The following CUBN variants were observed in gnomAD, a reference collection of about 807,000 sequenced individuals.
The protein encoded by CUBN is 460 kDa receptor.
Under a neutral mutation model 405.3 loss-of-function variants are expected in CUBN, and 282 were observed. The observed-to-expected ratio is 0.70, with a 90% CI of 0.63 to 0.77. CUBN has a LOEUF of 0.77. Among genes scored for constraint, CUBN ranks in the 30% least tolerant of loss-of-function variants. The pLI is 0.00. For missense variants in CUBN, 4,514 were observed against 4,475.2 expected, an observed-to-expected ratio of 1.01 and a Z score of -0.25; for synonymous variants, 1,684 against 1,617.0, an observed-to-expected ratio of 1.04 and a Z score of -0.99.
chr10:17,036,744 A>C (rs1834910399), intron 27 of CUBN, among the ~76,000 whole-genome samples: 1 of 152,244 alleles, frequency 6.6e-6, no homozygotes, highest in South Asian at 2.1e-4. Context: ...TGAAGCAAAG[A>C]AAGAGGTGAT....
intron 64 of CUBN, among the ~76,000 whole-genome samples, chr10:16,834,389 T>A (rs1404409879): frequency 6.6e-6 from 1 of 150,414 alleles, no homozygotes; most frequent in African/African-American, 2.4e-5. Context: ...CAGTGTGTCC[T>A]GGGGTGGGAG....
At chr10:16,907,728 A>G (rs765234814) in intron 48 of CUBN, 49 bp from the exon 49 acceptor site, 1 of 1,591,730 alleles carries the variant, frequency 6.3e-7, no homozygotes, top group African/African-American at 1.3e-5. Context: ...ATCTTACTGC[A>G]TATTTCCTAG....
In CUBN at chr10:16,925,354, C is replaced by A. The variant is rs1298208991; in HGVS notation, c.6533G>T (p.Ser2178Ile). 8.7e-6 allele frequency: 14 copies of A among 1,613,776 alleles called. No individual in the cohort carries two copies. The Admixed American group carries it at 1.0e-4, about 12-fold the overall frequency. The change falls in exon 43 of 67, where the codon AGT (serine) becomes ATT (isoleucine). Residue 2178 changes from serine (S) to isoleucine (I), a missense_variant. Around this residue, in one of 5 missense-constraint regions of CUBN, gnomAD observed 1,613 missense variants for 1,542.8 expected, o/e 1.05. Coordinates refer to ENST00000377833, the MANE Select transcript of CUBN (RefSeq NM_001081.4). Reference sequence around the variant, plus strand: ...GGTGAACAGAGTTGATGAAGCATGACTGCCACAAAAATGACCATTTCCTCC... The same window carrying A: ...GGTGAACAGAGTTGATGAAGCATGAATGCCACAAAAATGACCATTTCCTCC... ...PPGGNGHFCG[S>I]HASSTLFTSD...
At chr10:16,905,496 G>A (rs938920348) in intron 50 of CUBN, among the ~76,000 whole-genome samples, 1 of 152,106 alleles carries the variant, frequency 6.6e-6, no homozygotes, top group Non-Finnish European at 1.5e-5. Context: ...AAGGCCTCAG[G>A]AGAATTTCAC....
At chr10:17,056,096 G>C (rs191930601) in intron 22 of CUBN, among the ~76,000 whole-genome samples, 1 of 151,894 alleles carries the variant, frequency 6.6e-6, no homozygotes, top group African/African-American at 2.4e-5. Flanking sequence ...ATGAAATAGA[G>C]ATTCCAGAAG....
chr10:16,948,947 T>C (rs1444144846), intron 34 of CUBN, among the ~76,000 whole-genome samples: 1 of 152,200 alleles, frequency 6.6e-6, no homozygotes, highest in Non-Finnish European at 1.5e-5. Flanking sequence ...TCCACTATTT[T>C]GTAGCACAGA....
intron 31 of CUBN, among the ~76,000 whole-genome samples, chr10:16,968,527 TCA>T (rs1843464068): frequency 6.6e-6 from 1 of 152,178 alleles, no homozygotes; most frequent in South Asian, 2.1e-4. Flanking sequence ...TTGCTGATTC[TCA>T]CAAAGCAGAC....
chr10:16,848,375 T>C (rs1053321134), intron 60 of CUBN, among the ~76,000 whole-genome samples: 2 of 152,226 alleles, frequency 1.3e-5, no homozygotes, highest in African/African-American at 4.8e-5. Flanking sequence ...TATTTGGAAT[T>C]ACTCCAACGG....
chr10:16,965,785 G>C, intron 31 of CUBN: 1 of 267,796 alleles, frequency 3.7e-6, no homozygotes, highest in East Asian at 1.2e-4. Context: ...AGGAATAGCA[G>C]CAAATACTTA....
chr10:16,986,925 C>G (rs1382822018), intron 29 of CUBN, among the ~76,000 whole-genome samples: 1 of 152,178 alleles, frequency 6.6e-6, no homozygotes, highest in Non-Finnish European at 1.5e-5. Context: ...TCAAACATCC[C>G]CTTGAGATCA....
intron 56 of CUBN, among the ~76,000 whole-genome samples, chr10:16,884,595 A>C (rs1490732618): frequency 6.6e-6 from 1 of 152,192 alleles, no homozygotes; most frequent in Admixed American, 6.5e-5. Context: ...AAGTTAGAGA[A>C]ATTTAGACCA....
intron 14 of CUBN, among the ~76,000 whole-genome samples, chr10:17,094,662 G>A (rs1836334542): frequency 6.6e-6 from 1 of 152,000 alleles, no homozygotes; most frequent in Admixed American, 6.6e-5. Context: ...TTACAATAGT[G>A]TCAAAAAGTT....
intron 59 of CUBN, among the ~76,000 whole-genome samples, chr10:16,858,045 A>G (rs1174669838): frequency 6.6e-6 from 1 of 152,296 alleles, no homozygotes; most frequent in African/African-American, 2.4e-5. Context: ...AAATTAAAAA[A>G]CAATACCATT....
intron 36 of CUBN, among the ~76,000 whole-genome samples, chr10:16,946,215 A>T (rs1348590312): frequency 6.6e-6 from 1 of 152,196 alleles, no homozygotes; most frequent in East Asian, 1.9e-4. Context: ...ATATATAATA[A>T]GCATCCATTA....
intron 56 of CUBN, among the ~76,000 whole-genome samples, chr10:16,886,818 C>T (rs894527721): frequency 1.8e-4 from 28 of 152,198 alleles, no homozygotes; most frequent in African/African-American, 6.5e-4. Flanking sequence ...GACAGAGTTT[C>T]GCTCTTGTCG....
intron 66 of CUBN, among the ~76,000 whole-genome samples, chr10:16,827,429 T>C (rs1838815478): frequency 6.6e-6 from 1 of 152,228 alleles, no homozygotes; most frequent in Non-Finnish European, 1.5e-5. Context: ...TATTTTCTGA[T>C]ACTTCTGAAA....
intron 6 of CUBN, among the ~76,000 whole-genome samples, chr10:17,120,355 GA>G (rs1314047167): frequency 1.3e-5 from 2 of 152,152 alleles, no homozygotes; most frequent in Non-Finnish European, 2.9e-5. Flanking sequence ...TGTAGATAAT[GA>G]AATGGAATTC....
chr10:16,912,942 C>T (rs917082399), intron 48 of CUBN, among the ~76,000 whole-genome samples: 4 of 152,068 alleles, frequency 2.6e-5, no homozygotes, highest in Admixed American at 1.3e-4. Context: ...GAGAGGAGAA[C>T]GGAACCAGGG....
chr10:17,000,225 C>T (rs1008753841), intron 28 of CUBN, among the ~76,000 whole-genome samples: 4 of 152,218 alleles, frequency 2.6e-5, no homozygotes, highest in African/African-American at 7.2e-5. Context: ...ACTTCTCCCT[C>T]TTGTAAGCGA....
Sources: allele counts gnomAD v4.1 joint callset (sites outside exome capture counted in the v4.1 genomes callset), GRCh38; gene constraint gnomAD v4.1.1; regional missense constraint gnomAD v4.1.1; transcripts MANE v1.5; gene names NCBI Gene and HGNC (gene_info 2026-07-23, HGNC 2026-07-21).